Variants in STK32B observed in about 807,000 individuals in gnomAD.
STK32B encodes the protein serine/threonine kinase 32B, also known as serine/threonine-protein kinase 32B.
Under a neutral mutation model 52.6 loss-of-function variants are expected in STK32B, and 43 were observed. That is an observed-to-expected ratio of 0.82 (90% CI 0.64 to 1.05). STK32B has a LOEUF of 1.05. Among genes scored for constraint, STK32B ranks in the 50% least tolerant of loss-of-function variants. The pLI is 0.00. For missense variants in STK32B, 621 were observed against 534.6 expected (o/e 1.16, Z -1.59); for synonymous variants, 238 against 204.3 (o/e 1.17, Z -1.41).
chr4:5,201,838 C>T (rs1722173119), intron 3 of STK32B, among the ~76,000 whole-genome samples: 1 of 152,166 alleles, frequency 6.6e-6, no homozygotes, highest in African/African-American at 2.4e-5. Context: ...CAGATCACCT[C>T]CTCCCACCAG....
chr4:5,214,113 G>A (rs1346706182), intron 3 of STK32B: 1 of 152,232 alleles, frequency 6.6e-6, no homozygotes, highest in Non-Finnish European at 1.5e-5. Context: ...CTCATGTTGG[G>A]GGAGGGACCT....
intron 6 of STK32B, among the ~76,000 whole-genome samples, chr4:5,445,843 C>T (rs1164644322): frequency 6.6e-6 from 1 of 152,118 alleles, no homozygotes; most frequent in Non-Finnish European, 1.5e-5. Flanking sequence ...CACCCACAGC[C>T]CCTAGCAACT....
chr4:5,190,983 TTTC>T (rs1218322278), intron 3 of STK32B, among the ~76,000 whole-genome samples: 1 of 152,188 alleles, frequency 6.6e-6, no homozygotes, highest in Non-Finnish European at 1.5e-5. Flanking sequence ...TGCCTGCACT[TTTC>T]TTCCTGATGC....
chr4:5,411,661 C>T (rs1577461347), intron 5 of STK32B, among the ~76,000 whole-genome samples: 1 of 152,148 alleles, frequency 6.6e-6, no homozygotes, highest in South Asian at 2.1e-4. Context: ...GGAACCAGTT[C>T]CCCATGTGAA....
At chr4:5,314,556 G>A (rs1730533629) in intron 3 of STK32B, among the ~76,000 whole-genome samples, 1 of 152,160 alleles carries the variant, frequency 6.6e-6, no homozygotes, top group South Asian at 2.1e-4. Context: ...TGTAATGCCA[G>A]CTACTCGGGA....
chr4:5,413,544 C>T (rs1321223649), intron 5 of STK32B, among the ~76,000 whole-genome samples: 1 of 152,164 alleles, frequency 6.6e-6, no homozygotes. Flanking sequence ...TTTTGGGTAG[C>T]TCCTGAAAAT....
At chr4:5,289,606 C>T (rs978959000) in intron 3 of STK32B, among the ~76,000 whole-genome samples, 2 of 151,916 alleles carry the variant, frequency 1.3e-5, no homozygotes, top group African/African-American at 4.8e-5. Context: ...GCAAGCTCCA[C>T]CTCCCGGGTT....
the STK32B span, among the ~76,000 whole-genome samples, chr4:5,027,227 A>G: frequency 7.2e-5 from 11 of 152,252 alleles, no homozygotes; most frequent in Non-Finnish European, 1.5e-4. Context: ...CACATGGCCC[A>G]GAGTGAAGGA....
rs569016294 is a variant in STK32B, at chr4:5,466,692, C to T, written c.910-11C>T. On this transcript the variant is annotated splice_polypyrimidine_tract_variant and intron_variant, in intron 9 of 11. Transcript: ENST00000282908. ...CAGACAGACCATGTTTTCTTTTCTACTCCCCTTTAGAAAGGGAGGTTGAAC... is the reference window on the plus strand; with the variant it reads ...CAGACAGACCATGTTTTCTTTTCTATTCCCCTTTAGAAAGGGAGGTTGAAC... 3.1e-6 allele frequency: 5 copies of T among 1,607,078 alleles called. No homozygotes were observed. The South Asian group carries it at 3.3e-5, about 11-fold the overall frequency.
intron 3 of STK32B, among the ~76,000 whole-genome samples, chr4:5,328,457 T>C (rs1732016834): frequency 6.6e-6 from 1 of 152,204 alleles, no homozygotes; most frequent in Non-Finnish European, 1.5e-5. Flanking sequence ...TGGCCTAATT[T>C]CAATATTGTT....
At chr4:5,085,522 C>T (rs560736738) in intron 1 of STK32B, among the ~76,000 whole-genome samples, 10 of 152,302 alleles carry the variant, frequency 6.6e-5, no homozygotes, top group African/African-American at 2.4e-4. Flanking sequence ...GGAAGCATGG[C>T]TCCGGATAGT....
rs1370104754 is a variant in STK32B at position 5,133,361 on chromosome 4, A to C, written c.53-6544A>C. ...GATAGATGCCTGCCACAGCTTGGTC[A>C]GCCCCCTTTCTGTGTAAACATCAAC... On this transcript the variant is annotated intron_variant, in intron 1 of 11. Transcript: ENST00000282908. 2.6e-5 allele frequency among the ~76,000 whole-genome samples: 4 copies of C among 152,234 alleles called. No homozygotes were observed. In the East Asian group the frequency reaches 7.7e-4, roughly 29 times the overall value.
At chr4:5,191,157 A>G (rs899722713) in intron 3 of STK32B, among the ~76,000 whole-genome samples, 9 of 152,002 alleles carry the variant, frequency 5.9e-5, no homozygotes, top group Admixed American at 1.3e-4. Context: ...CCTGGTTTCC[A>G]TGGTGCCATA....
At chr4:5,223,969 A>C (rs1038494484) in intron 3 of STK32B, among the ~76,000 whole-genome samples, 2 of 152,014 alleles carry the variant, frequency 1.3e-5, no homozygotes, top group Non-Finnish European at 2.9e-5. Flanking sequence ...TACCTGTCCC[A>C]CCATTGTATT....
chr4:5,263,714 G>A (rs572092401), intron 3 of STK32B, among the ~76,000 whole-genome samples: 50 of 152,240 alleles, frequency 3.3e-4, no homozygotes, highest in African/African-American at 1.2e-3. Context: ...GTATTCAATT[G>A]ATCAGTTTTG....
chr4:5,444,190 C>G (rs1294523523), intron 6 of STK32B, among the ~76,000 whole-genome samples: 1 of 152,186 alleles, frequency 6.6e-6, no homozygotes, highest in African/African-American at 2.4e-5. Flanking sequence ...GCGGGCGCCC[C>G]TCCCCCAGCC....
intron 3 of STK32B, among the ~76,000 whole-genome samples, chr4:5,286,942 C>T (rs1052883653): frequency 9.2e-5 from 14 of 151,944 alleles, no homozygotes; most frequent in African/African-American, 2.4e-4. Context: ...AGATTACAGG[C>T]GTCAGCCACC....
At chr4:5,092,251 G>T (rs904080853) in intron 1 of STK32B, among the ~76,000 whole-genome samples, 2 of 152,244 alleles carry the variant, frequency 1.3e-5, no homozygotes, top group Admixed American at 1.3e-4. Context: ...AATACCAGAG[G>T]CTGGGTGCAG....
chr4:5,195,871 C>G (rs1721607951), intron 3 of STK32B, among the ~76,000 whole-genome samples: 1 of 152,204 alleles, frequency 6.6e-6, no homozygotes, highest in East Asian at 1.9e-4. Context: ...CTCACTTGAA[C>G]TGGATTCTTA....
Sources: allele counts gnomAD v4.1 joint callset (sites outside exome capture counted in the v4.1 genomes callset), GRCh38; gene constraint gnomAD v4.1.1; transcripts MANE v1.5; gene names NCBI Gene and HGNC (gene_info 2026-07-23, HGNC 2026-07-21).